STX6: variants seen among roughly 807,000 people sequenced by gnomAD.
STX6 encodes the protein syntaxin-6.
A neutral mutation model predicts 38.0 loss-of-function variants in STX6; 23 were observed. The observed-to-expected ratio is 0.60, with a 90% CI of 0.43 to 0.86. The LOEUF is 0.86. Among genes scored for constraint, STX6 ranks in the 40% least tolerant of loss-of-function variants. The probability of loss-of-function intolerance (pLI) is 0.00; values close to 1 mark genes in which losing one functional copy is unlikely to be tolerated. For synonymous variants in STX6, 123 were observed against 107.5 expected (o/e 1.14, Z -0.89); for missense variants, 274 against 312.9 (o/e 0.88, Z 0.94).
intron 1 of STX6, among the ~76,000 whole-genome samples, chr1:181,007,552 T>G (rs1248692603): frequency 6.6e-6 from 1 of 152,216 alleles, no homozygotes; most frequent in Non-Finnish European, 1.5e-5. Context: ...ATCAATTCTG[T>G]AAAGTAAATA....
Position 180,972,854 on chromosome 1 carries a change from G to T in STX6, c.*3716C>A. 2 of 207,460 alleles carry T rather than the reference G, an allele frequency of 9.6e-6. No individual in the cohort carries two copies. The highest frequency in any genetic ancestry group is 6.5e-5 in the South Asian group (1 of 15,324). 12.9% of individuals were successfully genotyped at this position (207,460 alleles called of 1,614,324 possible). A position where few individuals can be genotyped will look rare whatever the true frequency, so the allele number is the denominator to read the frequency against. On this transcript the variant is annotated 3_prime_UTR_variant, in exon 8 of 8. Transcript: ENST00000258301. ...AAGGTACCTGCTTTCAGCAAATTCT[G>T]GTTTGGTTTTATTTTTTAATCAAAA...
chr1:181,022,815 C>G lies in STX6; in HGVS notation c.-142G>C, dbSNP rs922635685. On this transcript the variant is annotated 5_prime_UTR_variant, in exon 1 of 8. Coordinates refer to ENST00000258301, the MANE Select transcript of STX6 (RefSeq NM_005819.6). ...GCCGAGCAGCGGGCACGCGCACAGGCCAGGTGCACAGGACGGCCGCTGGTC... is the reference window on the plus strand; with the variant it reads ...GCCGAGCAGCGGGCACGCGCACAGGGCAGGTGCACAGGACGGCCGCTGGTC... 2 of 777,374 alleles carry G rather than the reference C, an allele frequency of 2.6e-6. No homozygotes were observed. Among genetic ancestry groups the G allele is most frequent in the Non-Finnish European group, 4.2e-6 (2 of 480,108 alleles). 48.2% of individuals were successfully genotyped at this position (777,374 alleles called of 1,614,324 possible). A position where few individuals can be genotyped will look rare whatever the true frequency, so the allele number is the denominator to read the frequency against.
chr1:180,976,500 A>C lies in STX6; in HGVS notation c.*70T>G. On this transcript the variant is annotated 3_prime_UTR_variant, in exon 8 of 8. Transcript: ENST00000258301. ...AGGAATGTGAGTAGACGGCAATGTC[A>C]CACGTGCTCAGCTTCTCCTCCTCCC... The C allele has an allele frequency of 7.5e-7, 1 of 1,339,476 alleles. No homozygotes were observed. The highest frequency in any genetic ancestry group is 1.2e-5 in the South Asian group (1 of 85,460). 83.0% of individuals were successfully genotyped at this position (1,339,476 alleles called of 1,614,324 possible).
chr1:180,993,640 G>T (rs1655818481), intron 3 of STX6, among the ~76,000 whole-genome samples: 1 of 152,100 alleles, frequency 6.6e-6, no homozygotes, highest in Non-Finnish European at 1.5e-5. Flanking sequence ...AATTTGAATA[G>T]GAGGAAAGAG....
chr1:181,017,288 G>A (rs1180489553), intron 1 of STX6, among the ~76,000 whole-genome samples: 3 of 150,834 alleles, frequency 2.0e-5, no homozygotes, highest in Non-Finnish European at 4.4e-5. Context: ...AGCTACTCAG[G>A]AGGCTGAGGC....
intron 3 of STX6, among the ~76,000 whole-genome samples, chr1:180,999,136 C>T (rs1340123656): frequency 5.9e-5 from 9 of 152,130 alleles, no homozygotes; most frequent in East Asian, 5.8e-4. Flanking sequence ...GGAGCAGGTT[C>T]GGTTTTTTCA....
intron 1 of STX6, among the ~76,000 whole-genome samples, chr1:181,019,562 T>C (rs1439204041): frequency 1.3e-5 from 2 of 152,120 alleles, no homozygotes; most frequent in Non-Finnish European, 2.9e-5. Context: ...GCAATCACAG[T>C]CACTGTATTG....
chr1:181,000,481 GACTC>G (rs1342197132), intron 3 of STX6, among the ~76,000 whole-genome samples: 3 of 152,108 alleles, frequency 2.0e-5, no homozygotes, highest in Admixed American at 1.3e-4. Context: ...GCTATCATGA[GACTC>G]ACTCACTATC....
intron 7 of STX6, among the ~76,000 whole-genome samples, chr1:180,984,063 CAAAAAAAAAA>C (rs10625558): frequency 0.011 from 79 of 7,162 alleles, no homozygotes; most frequent in African/African-American, 0.037. Context: ...GGCTCCATCT[CAAAAAAAAAA>C]AAAAAAAAAA....
intron 3 of STX6, among the ~76,000 whole-genome samples, chr1:181,001,520 G>A (rs1392206814): frequency 6.6e-6 from 1 of 152,184 alleles, no homozygotes; most frequent in Non-Finnish European, 1.5e-5. Context: ...TCTGATAGAT[G>A]CTTGTTTGCT....
chr1:181,007,764 ATG>A (rs566961739), intron 1 of STX6, among the ~76,000 whole-genome samples: 35 of 152,316 alleles, frequency 2.3e-4, no homozygotes, highest in African/African-American at 8.2e-4. Flanking sequence ...TATGTATACT[ATG>A]TATCTAATCT....
intron 6 of STX6, 118 bp downstream of exon 6, chr1:180,988,121 T>A (rs957565880): frequency 5.9e-6 from 4 of 674,166 alleles, no homozygotes; most frequent in Middle Eastern, 3.1e-4. Flanking sequence ...AAAATGCAGC[T>A]ATGAATAAAA....
Position 181,005,063 on chromosome 1 carries a change from T to TTA in STX6, c.205+229_205+230dup, listed in dbSNP as rs368308542. ...TCATAATCATTACACTATGCTGCCT[T>TTA]TATATATATATATACATTTATAGTA... On this transcript the variant is annotated intron_variant, in intron 2 of 7. Coordinates refer to ENST00000258301, the MANE Select transcript of STX6 (RefSeq NM_005819.6). 6.1e-3 allele frequency among the ~76,000 whole-genome samples: 916 copies of TTA among 150,622 alleles called. 11 individuals are homozygous for TTA. The highest frequency in any genetic ancestry group is 0.018 in the African/African-American group (744 of 41,150).
chr1:181,005,270 C>T (rs1363063287), intron 2 of STX6, 24 bp downstream of exon 2: 32 of 1,604,054 alleles, frequency 2.0e-5, no homozygotes, highest in Non-Finnish European at 2.7e-5. Flanking sequence ...TCCCGAATGG[C>T]ACAGACACCA....
At chr1:180,993,874 T>C (rs1468737175) in intron 3 of STX6, among the ~76,000 whole-genome samples, 1 of 152,196 alleles carries the variant, frequency 6.6e-6, no homozygotes, top group Admixed American at 6.5e-5. Flanking sequence ...GTTCAAGGGC[T>C]TGCATCTTTT....
intron 4 of STX6, among the ~76,000 whole-genome samples, chr1:180,992,798 A>T (rs1260823752): frequency 1.7e-4 from 26 of 152,346 alleles, no homozygotes; most frequent in African/African-American, 5.3e-4. Context: ...AACTACTTAA[A>T]ACAAAGAGAA....
rs759170897 is a variant in STX6, at chr1:180,990,020, A to G, written c.453T>C (p.Asn151=). The G allele has an allele frequency of 6.2e-7, 1 of 1,613,810 alleles. No individual in the cohort carries two copies. The change falls in exon 5 of 8, where the codon AAT becomes AAC. Residue 151 remains asparagine (N), a synonymous_variant. Coordinates refer to ENST00000258301, the MANE Select transcript of STX6 (RefSeq NM_005819.6). ...GRLDRELQRA[N]SHFIEEQQAQ... ...CCTGCTGCTCCTCAATGAAATGAGA[A>G]TTGGCTCTCTGGAGCTCTCGGTCCA...
intron 3 of STX6, among the ~76,000 whole-genome samples, chr1:180,995,514 TA>T (rs771316667): frequency 1.3e-5 from 2 of 152,192 alleles, no homozygotes; most frequent in African/African-American, 2.4e-5. Flanking sequence ...TTAATATTAT[TA>T]AAAACTACGC....
chr1:180,992,040 T>C (rs752439873), intron 4 of STX6, among the ~76,000 whole-genome samples: 4 of 151,668 alleles, frequency 2.6e-5, no homozygotes, highest in Non-Finnish European at 4.4e-5. Context: ...AGTAACAGCA[T>C]AGGTGTTACT....
Sources: gnomAD v4.1 joint callset for allele counts (sites outside exome capture counted in the v4.1 genomes callset) on GRCh38, gnomAD v4.1.1 for gene constraint, MANE v1.5 for transcripts, NCBI Gene and HGNC (gene_info 2026-07-23, HGNC 2026-07-21) for gene names.